HERC6: variants seen among roughly 807,000 people sequenced by gnomAD.
HERC6 encodes the protein probable E3 ubiquitin-protein ligase HERC6.
A neutral mutation model predicts 114.5 loss-of-function variants in HERC6; 101 were observed. The observed-to-expected ratio is 0.88, with a 90% CI of 0.75 to 1.04. HERC6 has a LOEUF of 1.04. Ranked by LOEUF, HERC6 falls within the 50% of genes least tolerant of loss-of-function variation. The pLI, the probability that HERC6 is intolerant of heterozygous loss-of-function variation, is 0.00. For missense variants in HERC6, 1,133 were observed against 1,230.9 expected, an observed-to-expected ratio of 0.92 and a Z score of 1.19; for synonymous variants, 408 against 436.2, an observed-to-expected ratio of 0.94 and a Z score of 0.81.
intron 7 of HERC6, among the ~76,000 whole-genome samples, chr4:88,397,752 T>C (rs920308036): frequency 3.9e-5 from 6 of 152,098 alleles, no homozygotes; most frequent in African/African-American, 1.4e-4. Flanking sequence ...CCTAACTTGA[T>C]TACTTAAACA....
At position 88,396,151 on chromosome 4, in the gene HERC6, C is replaced by T; in HGVS notation, c.887+9C>T. 1 of 1,521,892 alleles carries T rather than the reference C, an allele frequency of 6.6e-7. No individual in the cohort carries two copies. Among genetic ancestry groups the T allele is most frequent in the Non-Finnish European group, 8.8e-7 (1 of 1,131,326 alleles). The allele number at this position is 1,521,892 out of a possible 1,614,324, so 94.3% of individuals were successfully genotyped here. A position where few individuals can be genotyped will look rare whatever the true frequency, so the allele number is the denominator to read the frequency against. ...CAGATAGATTGTGGAAGGTAATAGG[C>T]TTCTTCTTCTTCTTTTTCTTAGCAT... On this transcript the variant is annotated intron_variant, in intron 6 of 22. Coordinates refer to ENST00000264346, the MANE Select transcript of HERC6 (RefSeq NM_017912.4).
intron 15 of HERC6, among the ~76,000 whole-genome samples, chr4:88,426,911 C>T (rs1737699036): frequency 6.6e-6 from 1 of 152,132 alleles, no homozygotes; most frequent in African/African-American, 2.4e-5. Context: ...ATTGTCTTTC[C>T]TTTCCAAACC....
Position 88,435,765 on chromosome 4 carries a change from T to C in HERC6, c.2291T>C (p.Leu764Pro), listed in dbSNP as rs749664086. 1 of 1,604,778 alleles carries C rather than the reference T, an allele frequency of 6.2e-7. No individual in the cohort carries two copies. Among genetic ancestry groups the C allele is most frequent in the East Asian group, 2.2e-5 (1 of 44,614 alleles). Residue 764 changes from leucine to proline, a missense_variant, in exon 18 of 23, where the codon CTG becomes CCG. Coordinates refer to ENST00000264346, the MANE Select transcript of HERC6 (RefSeq NM_017912.4). ...EKKRYFLFGM[L>P]CGLSLFNLNV... ...AAAAGATATTTCCTCTTTGGAATGC[T>C]GTGTGGACTCTCCTTATTCAATTTA...
At chr4:88,436,029 G>A in intron 18 of HERC6, 138 bp downstream of exon 18, 1 of 615,406 alleles carries the variant, frequency 1.6e-6, no homozygotes, top group Non-Finnish European at 2.5e-6. Flanking sequence ...TTGAATTTTA[G>A]CATGATTTAT....
At chr4:88,408,732 C>G in intron 11 of HERC6, 115 bp downstream of exon 11, 1 of 723,846 alleles carries the variant, frequency 1.4e-6, no homozygotes, top group East Asian at 2.7e-5. Context: ...TCTTCCTGCC[C>G]ACTGCAGAAA....
rs779809837 is a variant in HERC6, at chr4:88,383,243, C to A, written c.222C>A (p.Thr74=). 2 of 1,610,174 alleles carry A rather than the reference C, an allele frequency of 1.2e-6. No homozygotes were observed. Among genetic ancestry groups the A allele is most frequent in the Non-Finnish European group, 1.7e-6 (2 of 1,178,310 alleles). Residue 74 remains threonine (T), a synonymous_variant, in exon 2 of 23, where the codon ACC becomes ACA. Coordinates refer to ENST00000264346, the MANE Select transcript of HERC6 (RefSeq NM_017912.4). Reference sequence around the variant, plus strand: ...AAGAACCAATTCAGGCATTGGAAACCCTAATTGTTGATCTCGTGAGCTGCG... The same window carrying A: ...AAGAACCAATTCAGGCATTGGAAACACTAATTGTTGATCTCGTGAGCTGCG... ...ELPEPIQALE[T]LIVDLVSCGK...
intron 4 of HERC6, 86 bp from the exon 5 acceptor site, chr4:88,393,402 G>A (rs1185630660): frequency 1.6e-6 from 1 of 622,316 alleles, no homozygotes; most frequent in African/African-American, 1.8e-5. Flanking sequence ...CACAAAAAAA[G>A]AAATATAAAA....
intron 12 of HERC6, among the ~76,000 whole-genome samples, chr4:88,414,943 TG>T (rs768730697): frequency 2.6e-5 from 4 of 152,194 alleles, no homozygotes; most frequent in African/African-American, 7.2e-5. Context: ...GGAGTTGCTC[TG>T]GTTCAAATGC....
intron 8 of HERC6, among the ~76,000 whole-genome samples, chr4:88,401,165 TAG>T (rs754106159): frequency 1.3e-5 from 2 of 152,130 alleles, no homozygotes; most frequent in Non-Finnish European, 2.9e-5. Flanking sequence ...GTGAAGAGAA[TAG>T]AGAACTGCGA....
chr4:88,427,987 GA>G (rs1359126868), intron 15 of HERC6, among the ~76,000 whole-genome samples: 2 of 152,194 alleles, frequency 1.3e-5, no homozygotes, highest in East Asian at 3.8e-4. Flanking sequence ...AGGGTGATCA[GA>G]AAAGCTAAAA....
At chr4:88,388,919 C>A (rs1734746746) in intron 3 of HERC6, among the ~76,000 whole-genome samples, 1 of 152,206 alleles carries the variant, frequency 6.6e-6, no homozygotes, top group South Asian at 2.1e-4. Context: ...TCCAGCCCTA[C>A]TGAATAGCCA....
chr4:88,409,922 A>G (rs1736001191), intron 11 of HERC6, among the ~76,000 whole-genome samples: 1 of 152,186 alleles, frequency 6.6e-6, no homozygotes, highest in African/African-American at 2.4e-5. Flanking sequence ...AGCTTAAACA[A>G]CAGACATTTA....
At chr4:88,432,026 C>T (rs1198739963) in intron 17 of HERC6, among the ~76,000 whole-genome samples, 1 of 152,198 alleles carries the variant, frequency 6.6e-6, no homozygotes, top group African/African-American at 2.4e-5. Flanking sequence ...AATTGTAGTA[C>T]ATGCTGAGCA....
chr4:88,403,023 T>G (rs1375189909), intron 8 of HERC6, among the ~76,000 whole-genome samples: 1 of 152,214 alleles, frequency 6.6e-6, no homozygotes. Flanking sequence ...TCATAACAAG[T>G]GCAGTGGAGG....
Position 88,393,478 on chromosome 4 carries a change from C to T in HERC6, c.665-10C>T, listed in dbSNP as rs1261589077. 6.3e-7 allele frequency: 1 copy of T among 1,578,830 alleles called. No individual in the cohort carries two copies. Among genetic ancestry groups the T allele is most frequent in the African/African-American group, 1.3e-5 (1 of 74,548 alleles). ...TCTTATACTCTAGAGATTCTGCTTT[C>T]TTTCAACAGTGCAAAGCAACAAGCC... On this transcript the variant is annotated splice_polypyrimidine_tract_variant and intron_variant, in intron 4 of 22. Coordinates refer to ENST00000264346, the MANE Select transcript of HERC6 (RefSeq NM_017912.4).
chr4:88,439,010 GAC>G (rs1259106234), intron 20 of HERC6, among the ~76,000 whole-genome samples: 2 of 152,210 alleles, frequency 1.3e-5, no homozygotes, highest in Non-Finnish European at 2.9e-5. Flanking sequence ...TGTAGTATAA[GAC>G]AGACCTTGCA....
chr4:88,383,170 AT>A, intron 1 of HERC6, 50 bp from the exon 2 acceptor site: 5 of 1,576,470 alleles, frequency 3.2e-6, no homozygotes, highest in Non-Finnish European at 4.3e-6. Flanking sequence ...CTTGTGTTAA[AT>A]TAATAATCTG....
At chr4:88,425,255 C>T (rs538030068) in intron 15 of HERC6, among the ~76,000 whole-genome samples, 5 of 152,322 alleles carry the variant, frequency 3.3e-5, no homozygotes, top group African/African-American at 1.2e-4. Flanking sequence ...GTAAATGCCT[C>T]TTCCACATGC....
At chr4:88,435,239 G>A (rs919728749) in intron 17 of HERC6, among the ~76,000 whole-genome samples, 10 of 151,760 alleles carry the variant, frequency 6.6e-5, no homozygotes, top group African/African-American at 9.7e-5. Flanking sequence ...GGTCCCTAGC[G>A]TCAGTCACCC....
Sources: gnomAD v4.1 joint callset for allele counts (sites outside exome capture counted in the v4.1 genomes callset) on GRCh38, gnomAD v4.1.1 for gene constraint, MANE v1.5 for transcripts, NCBI Gene and HGNC (gene_info 2026-07-23, HGNC 2026-07-21) for gene names.